The following UBE2E2 variants were observed in gnomAD, a reference collection of about 807,000 sequenced individuals.
UBE2E2 encodes the protein ubiquitin-conjugating enzyme E2 E2.
Under a neutral mutation model 24.7 loss-of-function variants are expected in UBE2E2, and 6 were observed. That is an observed-to-expected ratio of 0.24 (90% CI 0.13 to 0.48). The LOEUF (loss-of-function observed/expected upper bound fraction) is 0.48. UBE2E2 is among the 20% of genes least tolerant of loss of function. UBE2E2 has a pLI of 0.99. For missense variants in UBE2E2, 169 were observed against 245.0 expected, an observed-to-expected ratio of 0.69 and a Z score of 2.07; for synonymous variants, 104 against 83.6, an observed-to-expected ratio of 1.24 and a Z score of -1.33.
intron 3 of UBE2E2, among the ~76,000 whole-genome samples, chr3:23,371,478 T>C (rs900988055): frequency 3.3e-5 from 5 of 152,204 alleles, no homozygotes; most frequent in African/African-American, 1.2e-4. Flanking sequence ...GCATGTTTTC[T>C]ACCAAGCGAG....
intron 3 of UBE2E2, among the ~76,000 whole-genome samples, chr3:23,403,639 G>C (rs1697283518): frequency 6.6e-6 from 1 of 152,080 alleles, no homozygotes; most frequent in African/African-American, 2.4e-5. Context: ...TGGTCAACAT[G>C]GTGAAACCCG....
At chr3:23,364,157 C>T (rs757507023) in intron 3 of UBE2E2, among the ~76,000 whole-genome samples, 9 of 151,766 alleles carry the variant, frequency 5.9e-5, no homozygotes, top group South Asian at 2.1e-4. Context: ...CCCAGAGAAA[C>T]GGACTAAAAA....
At chr3:23,268,631 G>C (rs1474839473) in intron 3 of UBE2E2, among the ~76,000 whole-genome samples, 1 of 147,860 alleles carries the variant, frequency 6.8e-6, no homozygotes, top group Non-Finnish European at 1.5e-5. Flanking sequence ...TACTGCCCAA[G>C]GTAATTTATA....
At chr3:23,537,944 A>G (rs1360785765) in intron 5 of UBE2E2, among the ~76,000 whole-genome samples, 4 of 152,316 alleles carry the variant, frequency 2.6e-5, no homozygotes, top group Admixed American at 6.5e-5. Context: ...AAAGGTACAT[A>G]TAACACCTCA....
At chr3:23,288,698 T>C (rs558892043) in intron 3 of UBE2E2, among the ~76,000 whole-genome samples, 2 of 152,202 alleles carry the variant, frequency 1.3e-5, no homozygotes, top group African/African-American at 4.8e-5. Context: ...TGTTTTGAAA[T>C]CTATTTTGTC....
intron 3 of UBE2E2, among the ~76,000 whole-genome samples, chr3:23,401,330 G>C (rs1474071734): frequency 1.3e-5 from 2 of 152,158 alleles, no homozygotes; most frequent in Non-Finnish European, 2.9e-5. Flanking sequence ...TAATGTAGCA[G>C]CTACTGGTTA....
chr3:23,359,928 T>C (rs1305556213), intron 3 of UBE2E2, among the ~76,000 whole-genome samples: 1 of 152,130 alleles, frequency 6.6e-6, no homozygotes, highest in Admixed American at 6.5e-5. Context: ...GTTAAGGGTA[T>C]GGAGAAAAAT....
At chr3:23,376,787 C>G (rs1696532070) in intron 3 of UBE2E2, among the ~76,000 whole-genome samples, 1 of 152,164 alleles carries the variant, frequency 6.6e-6, no homozygotes, top group East Asian at 1.9e-4. Context: ...AGTCTGAACT[C>G]TCAAAGTGTC....
intron 3 of UBE2E2, among the ~76,000 whole-genome samples, chr3:23,274,616 A>G (rs1387434147): frequency 1.3e-5 from 2 of 151,952 alleles, no homozygotes; most frequent in Non-Finnish European, 2.9e-5. Flanking sequence ...CCTGCCTCAG[A>G]GGCACCTCCC....
intron 2 of UBE2E2, among the ~76,000 whole-genome samples, chr3:23,215,141 A>G (rs1475309825): frequency 1.3e-5 from 2 of 151,950 alleles, no homozygotes; most frequent in Non-Finnish European, 2.9e-5. Context: ...CATGTTTTTT[A>G]TTCTCTACTT....
chr3:23,248,968 A>G (rs188021003), intron 3 of UBE2E2, among the ~76,000 whole-genome samples: 3 of 152,302 alleles, frequency 2.0e-5, no homozygotes, highest in Admixed American at 2.0e-4. Flanking sequence ...GCCTTTTGCA[A>G]CTACCTTAGG....
chr3:23,275,931 C>G (rs1201407542), intron 3 of UBE2E2, among the ~76,000 whole-genome samples: 2 of 152,124 alleles, frequency 1.3e-5, no homozygotes, highest in Admixed American at 6.5e-5. Flanking sequence ...ATGCTTGCCT[C>G]CATGTCATCT....
chr3:23,439,145 C>T (rs1698242895), intron 3 of UBE2E2, among the ~76,000 whole-genome samples: 1 of 152,316 alleles, frequency 6.6e-6, no homozygotes, highest in South Asian at 2.1e-4. Flanking sequence ...AATTTCTTGA[C>T]ATTGAATTCA....
chr3:23,334,369 G>C (rs1008826826), intron 3 of UBE2E2, among the ~76,000 whole-genome samples: 2 of 151,744 alleles, frequency 1.3e-5, no homozygotes, highest in African/African-American at 4.8e-5. Context: ...CTAAGCCCTC[G>C]AGATCTCTTT....
At chr3:23,396,894 C>T (rs1410447605) in intron 3 of UBE2E2, among the ~76,000 whole-genome samples, 1 of 152,102 alleles carries the variant, frequency 6.6e-6, no homozygotes, top group East Asian at 1.9e-4. Context: ...GGTCACAAAC[C>T]AATGTGGGTG....
intron 3 of UBE2E2, among the ~76,000 whole-genome samples, chr3:23,312,398 G>A (rs772561841): frequency 3.0e-4 from 45 of 151,930 alleles, no homozygotes; most frequent in Non-Finnish European, 5.9e-4. Context: ...AAACAATCCA[G>A]TTATACTCCT....
chr3:23,234,698 G>A (rs1186527399), intron 3 of UBE2E2, among the ~76,000 whole-genome samples: 2 of 152,130 alleles, frequency 1.3e-5, no homozygotes, highest in African/African-American at 4.8e-5. Flanking sequence ...ATCTCTAATG[G>A]CTTAGAATAA....
Position 23,407,517 on chromosome 3 carries a change from C to T in UBE2E2, c.228-92091C>T, listed in dbSNP as rs561262073. Among the ~76,000 whole-genome samples the T allele has an allele frequency of 6.6e-6, 1 of 152,186 alleles. No individual in the cohort carries two copies. The highest frequency in any genetic ancestry group is 2.4e-5 in the African/African-American group (1 of 41,554). Reference sequence around the variant, plus strand: ...TTGATCCCCTGCTCCCGTACTCATCCCTCTTCTTTCACTACCGTCAACATT... The same window carrying T: ...TTGATCCCCTGCTCCCGTACTCATCTCTCTTCTTTCACTACCGTCAACATT... On this transcript the variant is annotated intron_variant, in intron 3 of 5. Coordinates refer to ENST00000396703, the MANE Select transcript of UBE2E2 (RefSeq NM_152653.4). The surrounding 1 kb of genome is among the most constrained non-coding windows in gnomAD (Gnocchi z 4.0).
chr3:23,451,990 A>T (rs1698571009), intron 3 of UBE2E2, among the ~76,000 whole-genome samples: 1 of 152,218 alleles, frequency 6.6e-6, no homozygotes, highest in Non-Finnish European at 1.5e-5. Flanking sequence ...TGGAAATTAA[A>T]TTATAGAGAT....
Sources: gnomAD v4.1 joint callset for allele counts (sites outside exome capture counted in the v4.1 genomes callset) on GRCh38, gnomAD v4.1.1 for gene constraint, Gnocchi (gnomAD v3.1) non-coding constraint, MANE v1.5 for transcripts, NCBI Gene and HGNC (gene_info 2026-07-23, HGNC 2026-07-21) for gene names.